Variants in FCHSD2 observed in about 807,000 individuals in gnomAD.
FCHSD2 encodes the protein F-BAR and double SH3 domains protein 2.
Under a neutral mutation model 108.1 loss-of-function variants are expected in FCHSD2, and 38 were observed. The ratio of observed to expected loss-of-function variants is 0.35; its 90% CI spans 0.27 to 0.46. FCHSD2 has a LOEUF of 0.46. Among genes scored for constraint, FCHSD2 ranks in the 20% least tolerant of loss-of-function variants. FCHSD2 has a pLI of 1.00. For missense variants in FCHSD2, 751 were observed against 897.8 expected, an observed-to-expected ratio of 0.84 and a Z score of 2.09; for synonymous variants, 279 against 314.7, an observed-to-expected ratio of 0.89 and a Z score of 1.20.
intron 2 of FCHSD2, among the ~76,000 whole-genome samples, chr11:73,128,055 C>T (rs1000829684): frequency 1.8e-4 from 27 of 151,042 alleles, no homozygotes; most frequent in African/African-American, 5.6e-4. Context: ...CAATTGCCTG[C>T]GGGCCCTTTG....
At chr11:73,032,970 T>A (rs896644119) in intron 3 of FCHSD2, among the ~76,000 whole-genome samples, 16 of 152,132 alleles carry the variant, frequency 1.1e-4, no homozygotes, top group African/African-American at 3.6e-4. Flanking sequence ...TCATTCTAGC[T>A]GCAGTGTGGG....
chr11:73,125,848 T>C (rs779371248), intron 2 of FCHSD2, among the ~76,000 whole-genome samples: 32 of 152,046 alleles, frequency 2.1e-4, no homozygotes, highest in Non-Finnish European at 3.7e-4. Flanking sequence ...TAAGAAAAAC[T>C]ATTATATAAA....
chr11:72,883,169 A>G (rs921025551), intron 12 of FCHSD2, among the ~76,000 whole-genome samples: 1 of 152,216 alleles, frequency 6.6e-6, no homozygotes, highest in African/African-American at 2.4e-5. Flanking sequence ...AGACCTCAAC[A>G]ATTTAACTAG....
At chr11:72,957,322 T>C (rs1169958880) in intron 8 of FCHSD2, among the ~76,000 whole-genome samples, 1 of 151,014 alleles carries the variant, frequency 6.6e-6, no homozygotes, top group Non-Finnish European at 1.5e-5. Flanking sequence ...CTGAGAATGA[T>C]GGTTTCCAGT....
intron 8 of FCHSD2, among the ~76,000 whole-genome samples, chr11:72,976,304 T>C (rs1371333199): frequency 6.6e-6 from 1 of 152,212 alleles, no homozygotes; most frequent in African/African-American, 2.4e-5. Flanking sequence ...TATTTCCTTT[T>C]TTTAAGAGAT....
intron 8 of FCHSD2, among the ~76,000 whole-genome samples, chr11:72,964,487 T>A (rs1259390962): frequency 6.6e-6 from 1 of 152,204 alleles, no homozygotes; most frequent in Non-Finnish European, 1.5e-5. Flanking sequence ...TGTACATGCC[T>A]CTAACAGTAC....
chr11:73,057,100 AT>A (rs1859044316), intron 3 of FCHSD2, among the ~76,000 whole-genome samples: 1 of 152,158 alleles, frequency 6.6e-6, no homozygotes, highest in African/African-American at 2.4e-5. Context: ...AAAAAATAAA[AT>A]AAAATAAATA....
chr11:72,973,650 T>C (rs1379296112), intron 8 of FCHSD2, among the ~76,000 whole-genome samples: 1 of 152,228 alleles, frequency 6.6e-6, no homozygotes, highest in Non-Finnish European at 1.5e-5. Flanking sequence ...TCCACTGTAC[T>C]GAGAGTGTTT....
At chr11:72,839,904 G>A (rs1860857800) in intron 19 of FCHSD2, among the ~76,000 whole-genome samples, 1 of 152,204 alleles carries the variant, frequency 6.6e-6, no homozygotes, top group Admixed American at 6.5e-5. Flanking sequence ...CCCAGTGACA[G>A]AACCATGAGA....
At chr11:73,061,060 A>G (rs1423898894) in intron 3 of FCHSD2, among the ~76,000 whole-genome samples, 1 of 152,252 alleles carries the variant, frequency 6.6e-6, no homozygotes, top group African/African-American at 2.4e-5. Flanking sequence ...TGCAGCTCCC[A>G]GCAAGATCCT....
At chr11:73,014,732 C>T (rs1265296186) in intron 4 of FCHSD2, among the ~76,000 whole-genome samples, 1 of 152,176 alleles carries the variant, frequency 6.6e-6, no homozygotes, top group African/African-American at 2.4e-5. Context: ...GGTCATAATC[C>T]TAACCAGACT....
intron 3 of FCHSD2, among the ~76,000 whole-genome samples, chr11:73,019,805 T>C (rs1858058158): frequency 6.6e-6 from 1 of 152,200 alleles, no homozygotes; most frequent in Non-Finnish European, 1.5e-5. Flanking sequence ...CTCTATACTT[T>C]ATATTTAAAG....
At chr11:72,890,024 G>A (rs1381574429) in intron 10 of FCHSD2, 79 bp from the exon 11 acceptor site, 7 of 826,354 alleles carry the variant, frequency 8.5e-6, no homozygotes, top group Non-Finnish European at 1.4e-5. Flanking sequence ...TGGATCAGAA[G>A]GCCTTCACTT....
At chr11:72,916,184 T>G (rs1216898789) in intron 9 of FCHSD2, among the ~76,000 whole-genome samples, 1 of 151,874 alleles carries the variant, frequency 6.6e-6, no homozygotes, top group Non-Finnish European at 1.5e-5. Flanking sequence ...CTACATAATC[T>G]GCACATCCTG....
intron 3 of FCHSD2, among the ~76,000 whole-genome samples, chr11:73,044,313 T>C (rs888593087): frequency 6.6e-6 from 1 of 152,146 alleles, no homozygotes; most frequent in African/African-American, 2.4e-5. Context: ...TGTGGTGTCT[T>C]ATATCTGTAA....
chr11:72,916,993 T>C (rs1855888005), intron 9 of FCHSD2, among the ~76,000 whole-genome samples: 1 of 41,428 alleles, frequency 2.4e-5, no homozygotes, highest in African/African-American at 8.7e-5. Flanking sequence ...TTTTTTTTTT[T>C]TTTTTTTTTG....
At chr11:73,076,759 A>T (rs1591534720) in intron 3 of FCHSD2, among the ~76,000 whole-genome samples, 1 of 152,224 alleles carries the variant, frequency 6.6e-6, no homozygotes, top group East Asian at 1.9e-4. Flanking sequence ...GAAGCTATAA[A>T]TGAACAAATT....
intron 1 of FCHSD2, 109 bp downstream of exon 1, chr11:73,141,748 A>T: frequency 8.3e-7 from 1 of 1,200,024 alleles, no homozygotes; most frequent in Non-Finnish European, 1.2e-6. Context: ...GCCCAAGACG[A>T]GGGCGGTCAC....
chr11:72,956,121 T>C (rs1856706145), intron 8 of FCHSD2, among the ~76,000 whole-genome samples: 1 of 152,206 alleles, frequency 6.6e-6, no homozygotes. Context: ...CAGTCAAGTA[T>C]GGAGCAATTT....
Sources: allele counts gnomAD v4.1 joint callset (sites outside exome capture counted in the v4.1 genomes callset), GRCh38; gene constraint gnomAD v4.1.1; transcripts MANE v1.5; gene names NCBI Gene and HGNC (gene_info 2026-07-23, HGNC 2026-07-21).